The following FRMD6 variants were observed in gnomAD, a reference collection of about 807,000 sequenced individuals.
FRMD6 encodes FERM domain containing 6, also known as FERM domain-containing protein 6.
In FRMD6, 37 loss-of-function variants were observed where a neutral mutation model predicts 73.2. The observed-to-expected ratio is 0.51, with a 90% CI of 0.39 to 0.66. The LOEUF is 0.66. Ranked by LOEUF, FRMD6 falls within the 30% of genes least tolerant of loss-of-function variation. The probability of loss-of-function intolerance (pLI) is 0.00; values close to 1 mark genes in which losing one functional copy is unlikely to be tolerated. For missense variants in FRMD6, 714 were observed against 780.5 expected (o/e 0.91, Z 1.02); for synonymous variants, 273 against 282.2 (o/e 0.97, Z 0.33).
At chr14:51,455,545 C>T in the FRMD6 span, among the ~76,000 whole-genome samples, 491 of 152,244 alleles carry the variant, frequency 3.2e-3, 4 homozygotes, top group Middle Eastern at 0.017. Context: ...TAACCTGTCC[C>T]GGACACTGAA....
At chr14:51,706,159 A>T (rs1157073379) in intron 6 of FRMD6, among the ~76,000 whole-genome samples, 1 of 152,068 alleles carries the variant, frequency 6.6e-6, no homozygotes, top group East Asian at 1.9e-4. Flanking sequence ...TGTCCCATCA[A>T]CTGTAACACC....
the FRMD6 span, among the ~76,000 whole-genome samples, chr14:51,399,648 G>T: frequency 6.6e-6 from 1 of 152,152 alleles, no homozygotes; most frequent in Non-Finnish European, 1.5e-5. Flanking sequence ...CCTCCTCTGT[G>T]CTTCAAATTT....
chr14:51,588,179 A>G (rs1889164123), intron 2 of FRMD6, among the ~76,000 whole-genome samples: 2 of 152,040 alleles, frequency 1.3e-5, no homozygotes, highest in Non-Finnish European at 2.9e-5. Context: ...ACAAAAAAGC[A>G]TTTCCCCCCC....
chr14:51,721,470 C>T (rs1347928252), intron 11 of FRMD6, among the ~76,000 whole-genome samples: 1 of 151,922 alleles, frequency 6.6e-6, no homozygotes, highest in African/African-American at 2.4e-5. Context: ...ATTGGATGGG[C>T]GTAGTGGCGC....
intron 2 of FRMD6, among the ~76,000 whole-genome samples, chr14:51,580,285 G>A (rs1176377589): frequency 6.6e-6 from 1 of 152,118 alleles, no homozygotes; most frequent in Non-Finnish European, 1.5e-5. Flanking sequence ...CCAGCTATAG[G>A]GGCACAGGAG....
chr14:51,440,130 G>A, the FRMD6 span, among the ~76,000 whole-genome samples: 1 of 152,214 alleles, frequency 6.6e-6, no homozygotes, highest in African/African-American at 2.4e-5. Flanking sequence ...TATTTAGCAT[G>A]TGGATAAAGA....
the FRMD6 span, among the ~76,000 whole-genome samples, chr14:51,427,822 G>A: frequency 6.6e-6 from 1 of 150,920 alleles, no homozygotes; most frequent in Non-Finnish European, 1.5e-5. Context: ...CATGGTGGGA[G>A]TATCTACACC....
chr14:51,407,532 A>G, the FRMD6 span, among the ~76,000 whole-genome samples: 1 of 151,792 alleles, frequency 6.6e-6, no homozygotes, highest in African/African-American at 2.4e-5. Flanking sequence ...AATTTTTTTC[A>G]TGGGTATAGA....
intron 1 of FRMD6, among the ~76,000 whole-genome samples, chr14:51,553,403 A>G (rs1248316271): frequency 6.6e-6 from 1 of 152,238 alleles, no homozygotes; most frequent in Non-Finnish European, 1.5e-5. Context: ...TGATCAACAG[A>G]GGAAAGAAAT....
the FRMD6 span, among the ~76,000 whole-genome samples, chr14:51,473,606 A>G: frequency 3.9e-5 from 6 of 152,196 alleles, no homozygotes; most frequent in Admixed American, 3.9e-4. Context: ...ATTCTCACCA[A>G]AAACCTCTCT....
chr14:51,485,836 G>A (rs142630070), upstream of FRMD6, among the ~76,000 whole-genome samples: 2 of 152,158 alleles, frequency 1.3e-5, no homozygotes, highest in African/African-American at 4.8e-5. Flanking sequence ...TTTTCAACAG[G>A]TTAACTTTCC....
At chr14:51,525,033 G>GCATT (rs1885155055) in intron 1 of FRMD6, among the ~76,000 whole-genome samples, 1 of 148,390 alleles carries the variant, frequency 6.7e-6, no homozygotes, top group African/African-American at 2.5e-5. Flanking sequence ...TGGGTGGATG[G>GCATT]AGAGAAAGAG....
At chr14:51,627,557 G>GT (rs1891165019) in intron 2 of FRMD6, among the ~76,000 whole-genome samples, 1 of 152,184 alleles carries the variant, frequency 6.6e-6, no homozygotes, top group Admixed American at 6.5e-5. Flanking sequence ...ACTGGGCAGA[G>GT]ATAGGCTGCT....
At chr14:51,472,491 G>A in the FRMD6 span, among the ~76,000 whole-genome samples, 1 of 152,056 alleles carries the variant, frequency 6.6e-6, no homozygotes, top group African/African-American at 2.4e-5. Flanking sequence ...TTTTAGTAGA[G>A]ACAGAGTTTC....
chr14:51,611,700 C>T (rs1444050406), intron 2 of FRMD6, among the ~76,000 whole-genome samples: 6 of 152,176 alleles, frequency 3.9e-5, no homozygotes, highest in African/African-American at 1.4e-4. Flanking sequence ...GTCTGGGGCT[C>T]ACACTTGGAT....
At chr14:51,430,962 C>T in the FRMD6 span, among the ~76,000 whole-genome samples, 1 of 152,138 alleles carries the variant, frequency 6.6e-6, no homozygotes, top group Non-Finnish European at 1.5e-5. Context: ...TTAGTAAGGA[C>T]ATTGCTATTC....
chr14:51,505,677 G>T (rs941004694), intron 1 of FRMD6, among the ~76,000 whole-genome samples: 1 of 152,094 alleles, frequency 6.6e-6, no homozygotes, highest in Non-Finnish European at 1.5e-5. Context: ...CACCTTAAAT[G>T]CAGCATGTTT....
intron 2 of FRMD6, among the ~76,000 whole-genome samples, chr14:51,582,384 A>C (rs1888774955): frequency 6.6e-6 from 1 of 152,254 alleles, no homozygotes; most frequent in South Asian, 2.1e-4. Flanking sequence ...ATCATCACTC[A>C]AGAAAATAAT....
At chr14:51,725,938 C>A in intron 13 of FRMD6, 68 bp downstream of exon 13, 3 of 1,107,460 alleles carry the variant, frequency 2.7e-6, no homozygotes, top group South Asian at 2.6e-5. Flanking sequence ...TAGTAACTTA[C>A]ATTTATACAA....
Sources: allele counts gnomAD v4.1 joint callset (sites outside exome capture counted in the v4.1 genomes callset), GRCh38; gene constraint gnomAD v4.1.1; transcripts MANE v1.5; gene names NCBI Gene and HGNC (gene_info 2026-07-23, HGNC 2026-07-21).